SGIP1: variants seen among roughly 807,000 people sequenced by gnomAD.
The protein encoded by SGIP1 is SH3-containing GRB2-like protein 3-interacting protein 1.
Under a neutral mutation model 107.5 loss-of-function variants are expected in SGIP1, and 38 were observed. That is an observed-to-expected ratio of 0.35 (90% confidence interval 0.27 to 0.46). The LOEUF (loss-of-function observed/expected upper bound fraction) is 0.46. Ranked by LOEUF, SGIP1 falls within the 20% of genes least tolerant of loss-of-function variation. The pLI is 1.00. For synonymous variants in SGIP1, 365 were observed against 366.1 expected (o/e 1.00, Z 0.03); for missense variants, 929 against 1,019.5 (o/e 0.91, Z 1.21).
chr1:66,704,434 T>A (rs2092311063), intron 18 of SGIP1: 1 of 152,116 alleles, frequency 6.6e-6, no homozygotes, highest in Admixed American at 6.5e-5. Context: ...CTCCTGGGGG[T>A]TCTGTGTCAA....
At chr1:66,607,217 C>T (rs1355720567) in intron 1 of SGIP1, among the ~76,000 whole-genome samples, 3 of 152,184 alleles carry the variant, frequency 2.0e-5, no homozygotes, top group African/African-American at 4.8e-5. Context: ...TCCTCACTCT[C>T]TCATATTTCA....
chr1:66,585,701 G>T (rs1266006347), intron 1 of SGIP1, among the ~76,000 whole-genome samples: 3 of 151,932 alleles, frequency 2.0e-5, no homozygotes, highest in African/African-American at 7.3e-5. Context: ...TGTTGGCGAG[G>T]CTGGTCTTGA....
intron 7 of SGIP1, among the ~76,000 whole-genome samples, chr1:66,644,357 AAG>A (rs1491209684): frequency 1.1e-4 from 17 of 152,128 alleles, no homozygotes; most frequent in African/African-American, 3.6e-4. Context: ...AAAAAAAAAA[AAG>A]AGATTATTTT....
At chr1:66,660,922 G>A (rs1306694762) in intron 8 of SGIP1, among the ~76,000 whole-genome samples, 3 of 152,206 alleles carry the variant, frequency 2.0e-5, no homozygotes, top group Non-Finnish European at 2.9e-5. Context: ...AGTAGCATCT[G>A]GAATGCCTAT....
chr1:66,689,204 C>G lies in SGIP1; in HGVS notation c.1372C>G (p.Pro458Ala). 3 of 1,613,920 alleles carry G rather than the reference C, an allele frequency of 1.9e-6. No individual in the cohort carries two copies. Among genetic ancestry groups the G allele is most frequent in the Non-Finnish European group, 1.7e-6 (2 of 1,179,904 alleles). ...TPLVPCRSTT[P>A]PPPPPRPPSR... is the part of the protein sequence containing the mutation. The stretch of plus-strand genomic sequence containing the variant: ...TTTGGTTCCTTGCAGAAGTACCACT[C>G]CACCTCCACCTCCTCCCCGGCCTCC... Residue 458 changes from proline (P) to alanine (A), a missense_variant, in exon 16 of 25, where the codon CCA becomes GCA. By Grantham distance (27) the Pro-to-Ala change is conservative. This residue lies in a region of SGIP1 where 588 missense variants were observed against 588.6 expected (regional missense o/e 1.00). Coordinates refer to ENST00000371037, the MANE Select transcript of SGIP1 (RefSeq NM_032291.4).
intron 15 of SGIP1, among the ~76,000 whole-genome samples, chr1:66,684,495 A>G (rs1270777742): frequency 1.3e-5 from 2 of 152,200 alleles, no homozygotes; most frequent in Non-Finnish European, 2.9e-5. Flanking sequence ...CCACAAACCC[A>G]AAGACATTAC....
intron 1 of SGIP1, among the ~76,000 whole-genome samples, chr1:66,581,621 T>A (rs12070270): frequency 1.3e-5 from 2 of 151,876 alleles, no homozygotes; most frequent in African/African-American, 2.4e-5. Context: ...GGTTCATACC[T>A]TCTCTTAAGT....
chr1:66,681,136 T>C (rs1332280402), intron 14 of SGIP1, among the ~76,000 whole-genome samples: 1 of 152,240 alleles, frequency 6.6e-6, no homozygotes, highest in Non-Finnish European at 1.5e-5. Context: ...TTCTTCTCCA[T>C]TAAGCAGGTA....
chr1:66,704,505 T>A lies in SGIP1; in HGVS notation c.1630+9012T>A, dbSNP rs558438379. On this transcript the variant is annotated intron_variant, in intron 18 of 24. Coordinates refer to ENST00000371037, the MANE Select transcript of SGIP1 (RefSeq NM_032291.4). ...TCTCTTTTATTAAAGGATTTGTAAA[T>A]CATAGCATTTCTGCCAATTTGACAT... is the stretch of plus-strand genomic sequence containing the variant. 4.3e-4 allele frequency: 66 copies of A among 152,316 alleles called. 2 individuals carry two copies. The highest frequency in any genetic ancestry group is 1.6e-3 in the African/African-American group (66 of 41,564). 9.4% of individuals were successfully genotyped at this position (152,316 alleles called of 1,614,324 possible).
chr1:66,741,169 G>A (rs2094435831), intron 23 of SGIP1, 103 bp from the exon 24 acceptor site: 1 of 1,225,836 alleles, frequency 8.2e-7, no homozygotes, highest in Non-Finnish European at 1.1e-6. Flanking sequence ...TTTTGTCAAA[G>A]AATCATGTCT....
chr1:66,682,161 T>C lies in SGIP1; in HGVS notation c.1107T>C (p.Asn369=), dbSNP rs375780293. ...CAGGGCCTCCTGGGCCTCCTCGCAATGTACTATCGCCGCTCAATTTAGAAG... is the reference window on the plus strand; with the variant it reads ...CAGGGCCTCCTGGGCCTCCTCGCAACGTACTATCGCCGCTCAATTTAGAAG... The part of the protein sequence containing the change: ...GPPGPPGPPR[N]VLSPLNLEEV... The change falls in exon 15 of 25, where the codon AAT becomes AAC. Residue 369 remains asparagine (N), a synonymous_variant. Transcript: ENST00000371037. 1 of 1,614,030 alleles carries C rather than the reference T, an allele frequency of 6.2e-7. No individual in the cohort carries two copies. The highest frequency in any genetic ancestry group is 1.3e-5 in the African/African-American group (1 of 74,922).
rs1270381049 is a variant in SGIP1, at chr1:66,697,993, T to C, written c.1630+2500T>C. 2.6e-5 allele frequency among the ~76,000 whole-genome samples: 4 copies of C among 152,320 alleles called. No homozygotes were observed. The East Asian group carries it at 7.7e-4, about 29-fold the overall frequency. On this transcript the variant is annotated intron_variant, in intron 18 of 24. Coordinates refer to ENST00000371037, the MANE Select transcript of SGIP1 (RefSeq NM_032291.4). ...AAGAAGAAAGATTCCCACTTCAAAATAGTCATCAGTTCCAAATAGCTTTTC... is the reference window on the plus strand; with the variant it reads ...AAGAAGAAAGATTCCCACTTCAAAACAGTCATCAGTTCCAAATAGCTTTTC...
chr1:66,719,030 G>A (rs2093391778), intron 18 of SGIP1, among the ~76,000 whole-genome samples: 4 of 152,020 alleles, frequency 2.6e-5, no homozygotes, highest in African/African-American at 4.8e-5. Context: ...AAACCCCTGT[G>A]ACTTTGTTCT....
chr1:66,579,769 T>C (rs942523653), intron 1 of SGIP1, among the ~76,000 whole-genome samples: 1 of 152,190 alleles, frequency 6.6e-6, no homozygotes. Flanking sequence ...GCATCATTTA[T>C]TGTTACAAAA....
chr1:66,748,130 TC>T lies in SGIP1; in HGVS notation c.*5037del, dbSNP rs1289609643. ...TAAGGTTTTATTGTATTTTCCCTGC[TC>T]CTTTAGGCTTTTTTTTCATGTGGAA... On this transcript the variant is annotated 3_prime_UTR_variant, in exon 25 of 25. Coordinates refer to ENST00000371037, the MANE Select transcript of SGIP1 (RefSeq NM_032291.4). 6.6e-6 allele frequency: 1 copy of T among 151,984 alleles called. No individual in the cohort carries two copies. The highest frequency in any genetic ancestry group is 1.5e-5 in the Non-Finnish European group (1 of 67,856). The allele number at this position is 151,984 out of a possible 1,614,324, so 9.4% of individuals were successfully genotyped here. A position where few individuals can be genotyped will look rare whatever the true frequency, so the allele number is the denominator to read the frequency against.
intron 1 of SGIP1, among the ~76,000 whole-genome samples, chr1:66,551,161 G>A (rs751188008): frequency 6.6e-6 from 1 of 152,086 alleles, no homozygotes; most frequent in Non-Finnish European, 1.5e-5. Context: ...GGATGCCTTT[G>A]TTCTGGTTAT....
At chr1:66,720,905 A>C (rs1374952954) in intron 19 of SGIP1, among the ~76,000 whole-genome samples, 1 of 152,200 alleles carries the variant, frequency 6.6e-6, no homozygotes, top group African/African-American at 2.4e-5. Flanking sequence ...TCGACACTTC[A>C]GAAACACTAG....
At chr1:66,677,265 AG>A (rs1256810568) in intron 13 of SGIP1, among the ~76,000 whole-genome samples, 169 bp downstream of exon 13, 2 of 152,250 alleles carry the variant, frequency 1.3e-5, no homozygotes, top group Non-Finnish European at 2.9e-5. Flanking sequence ...AACTCAGGGC[AG>A]GTTATGAAGA....
At chr1:66,709,755 G>T (rs12728269) in intron 18 of SGIP1, among the ~76,000 whole-genome samples, 1 of 151,942 alleles carries the variant, frequency 6.6e-6, no homozygotes, top group Non-Finnish European at 1.5e-5. Context: ...TGTAAAATGG[G>T]GATAACAATA....
Sources: gnomAD v4.1 joint callset for allele counts (sites outside exome capture counted in the v4.1 genomes callset) on GRCh38, gnomAD v4.1.1 for gene constraint, gnomAD v4.1.1 regional missense constraint, MANE v1.5 for transcripts, NCBI Gene and HGNC (gene_info 2026-07-23, HGNC 2026-07-21) for gene names.